The following PCDHGB3 variants were observed in gnomAD, a reference collection of about 807,000 sequenced individuals.
PCDHGB3 encodes the protein protocadherin gamma-B3.
PCDHGB3 carries 40 observed loss-of-function variants against 59.2 expected under a neutral mutation model. That is an observed-to-expected ratio of 0.68 (90% CI 0.52 to 0.88). The LOEUF is 0.88. Ranked by LOEUF, PCDHGB3 falls within the 40% of genes least tolerant of loss-of-function variation. The pLI is 0.00. For missense variants in PCDHGB3, 1,309 were observed against 1,187.9 expected, an observed-to-expected ratio of 1.10 and a Z score of -1.50; for synonymous variants, 581 against 503.6, an observed-to-expected ratio of 1.15 and a Z score of -2.06.
intron 1 of PCDHGB3, chr5:141,430,905 C>T: frequency 6.2e-7 from 1 of 1,606,922 alleles, no homozygotes; most frequent in Non-Finnish European, 8.5e-7. Context: ...GGCGACATCT[C>T]CAGGGACCTG....
chr5:141,383,351 G>C, intron 1 of PCDHGB3: 1 of 1,613,992 alleles, frequency 6.2e-7, no homozygotes, highest in Non-Finnish European at 8.5e-7. Flanking sequence ...CCTGGGGTTC[G>C]GTTTCCGTTA....
chr5:141,375,745 C>G (rs753247365), intron 1 of PCDHGB3: 4 of 1,614,238 alleles, frequency 2.5e-6, no homozygotes, highest in Non-Finnish European at 3.4e-6. Context: ...TTGTGCTGGA[C>G]CAGAATGACA....
At chr5:141,418,348 T>C in intron 1 of PCDHGB3, 4 of 1,613,982 alleles carry the variant, frequency 2.5e-6, no homozygotes, top group Non-Finnish European at 3.4e-6. Context: ...CTGATATTAG[T>C]ATGAATTCGC....
At chr5:141,388,590 A>G in intron 1 of PCDHGB3, 9 of 1,613,920 alleles carry the variant, frequency 5.6e-6, no homozygotes, top group Non-Finnish European at 7.6e-6. Flanking sequence ...GACTGATGCC[A>G]ATGATAATGC....
chr5:141,478,387 C>T, intron 1 of PCDHGB3: 1 of 1,613,642 alleles, frequency 6.2e-7, no homozygotes, highest in Non-Finnish European at 8.5e-7. Context: ...CGCACCTTTA[C>T]CATCAGGTGT....
chr5:141,371,950 C>A lies in PCDHGB3; in HGVS notation c.1556C>A (p.Ala519Asp), dbSNP rs749822569. 2 of 1,613,286 alleles carry A rather than the reference C, an allele frequency of 1.2e-6. No individual in the cohort carries two copies. The highest frequency in any genetic ancestry group is 2.2e-5 in the South Asian group (2 of 91,072). ...ARSGVVFAQR[A>D]FDHEQLRAFE... Reference sequence around the variant, plus strand: ...AGCGGGGTGGTGTTCGCGCAGCGAGCCTTCGACCACGAGCAGCTGCGTGCC... The same window carrying A: ...AGCGGGGTGGTGTTCGCGCAGCGAGACTTCGACCACGAGCAGCTGCGTGCC... The change falls in exon 1 of 4, where the codon GCC becomes GAC. Residue 519 changes from alanine (A) to aspartate (D), a missense_variant. Coordinates refer to ENST00000576222, the MANE Select transcript of PCDHGB3 (RefSeq NM_018924.5).
intron 1 of PCDHGB3, 63 bp from the exon 2 acceptor site, chr5:141,494,744 G>T: frequency 6.2e-7 from 1 of 1,612,702 alleles, no homozygotes; most frequent in South Asian, 1.1e-5. Flanking sequence ...CATCCCTAGG[G>T]GCTCGGGTGA....
At chr5:141,394,660 T>G in intron 1 of PCDHGB3, 1 of 1,613,264 alleles carries the variant, frequency 6.2e-7, no homozygotes, top group East Asian at 2.2e-5. Context: ...GAGCCGGGAC[T>G]CTTCTCGGTG....
In PCDHGB3 at chr5:141,476,343, T is replaced by A; in HGVS notation, c.2416-18464T>A. 1 of 1,614,012 alleles carries A rather than the reference T, an allele frequency of 6.2e-7. No individual in the cohort carries two copies. The highest frequency in any genetic ancestry group is 1.3e-5 in the African/African-American group (1 of 74,984). ...GTGGTGTCTGGAGCTAGCCGAAGAT[T>A]CTTTGAGGTGAACCGGGAGACCGGA... On this transcript the variant is annotated intron_variant, in intron 1 of 3. Transcript: ENST00000576222. This position sits in a 1 kb window ranked among gnomAD's most constrained non-coding sequence, Gnocchi z 7.6.
At chr5:141,409,067 A>G (rs2095219315) in intron 1 of PCDHGB3, 2 of 1,614,034 alleles carry the variant, frequency 1.2e-6, no homozygotes, top group South Asian at 2.2e-5. Context: ...CCAGAGCACA[A>G]AACATATGTT....
chr5:141,440,618 C>G (rs1287745652), intron 1 of PCDHGB3: 3 of 152,196 alleles, frequency 2.0e-5, no homozygotes, highest in South Asian at 2.1e-4. Context: ...GCAGAAGATC[C>G]TGATGTTGAG....
rs1049831420 is a variant in PCDHGB3 at position 141,486,549 on chromosome 5, C to T, written c.2416-8258C>T. ...AATCCACCCTCTTTCTTTCAGAGGTCACATGAGGTGTTTGTTCCTGAGAAC... is the reference window on the plus strand; with the variant it reads ...AATCCACCCTCTTTCTTTCAGAGGTTACATGAGGTGTTTGTTCCTGAGAAC... On this transcript the variant is annotated intron_variant, in intron 1 of 3. Coordinates refer to ENST00000576222, the MANE Select transcript of PCDHGB3 (RefSeq NM_018924.5). This position sits in a 1 kb window ranked among gnomAD's most constrained non-coding sequence, Gnocchi z 5.0. The T allele has an allele frequency of 3.1e-6, 5 of 1,613,982 alleles. No individual in the cohort carries two copies. In the African/African-American group the frequency reaches 4.0e-5, roughly 13 times the overall value.
chr5:141,370,282 G>A lies in PCDHGB3; in HGVS notation c.-113G>A. On this transcript the variant is annotated 5_prime_UTR_variant, in exon 1 of 4. Coordinates refer to ENST00000576222, the MANE Select transcript of PCDHGB3 (RefSeq NM_018924.5). Reference sequence around the variant, plus strand: ...CTTCCTGCAGCGGAGACACCCATTAGAGAACCCAAGCACAAAGACAAAGCA... The same window carrying A: ...CTTCCTGCAGCGGAGACACCCATTAAAGAACCCAAGCACAAAGACAAAGCA... 2 of 938,864 alleles carry A rather than the reference G, an allele frequency of 2.1e-6. No homozygotes were observed. The highest frequency in any genetic ancestry group is 3.9e-5 in the South Asian group (2 of 51,710). 58.2% of individuals were successfully genotyped at this position (938,864 alleles called of 1,614,324 possible).
At chr5:141,422,009 G>C (rs1483710075) in intron 1 of PCDHGB3, 1 of 1,609,752 alleles carries the variant, frequency 6.2e-7, no homozygotes, top group Non-Finnish European at 8.5e-7. Flanking sequence ...TCCGGAACTC[G>C]GGTGCTGATG....
intron 2 of PCDHGB3, among the ~76,000 whole-genome samples, chr5:141,502,866 C>CTCTTTTTTT (rs1554188502): frequency 7.8e-6 from 1 of 128,046 alleles, no homozygotes; most frequent in African/African-American, 3.1e-5. Context: ...GACTCTCTGT[C>CTCTTTTTTT]TTTTTTTTTT....
At chr5:141,402,392 C>A (rs1271100750) in intron 1 of PCDHGB3, among the ~76,000 whole-genome samples, 1 of 151,714 alleles carries the variant, frequency 6.6e-6, no homozygotes, top group African/African-American at 2.4e-5. Flanking sequence ...AAAATTACTT[C>A]AGAAAATTGT....
rs2099183566 is a variant in PCDHGB3, at chr5:141,468,861, A to G, written c.2416-25946A>G. 3.9e-5 allele frequency among the ~76,000 whole-genome samples: 6 copies of G among 152,168 alleles called. No homozygotes were observed. In the South Asian group the frequency reaches 1.2e-3, roughly 32 times the overall value. On this transcript the variant is annotated intron_variant, in intron 1 of 3. Coordinates refer to ENST00000576222, the MANE Select transcript of PCDHGB3 (RefSeq NM_018924.5). ...AGCCTGGGCAACAGAGCGAGACTCCATCTCAAAAATAATAATAATAATAAT... is the reference window on the plus strand; with the variant it reads ...AGCCTGGGCAACAGAGCGAGACTCCGTCTCAAAAATAATAATAATAATAAT...
rs758181180 is a variant in PCDHGB3 at position 141,485,483 on chromosome 5, G to T, written c.2416-9324G>T. The T allele has an allele frequency of 1.9e-6, 3 of 1,614,106 alleles. No homozygotes were observed. The highest frequency in any genetic ancestry group is 2.5e-6 in the Non-Finnish European group (3 of 1,180,022). ...GTGTGGGCTCAGTGCCAGCTGCATC[G>T]TGCCCCTGGAGTTTGTCACCGAAGG... On this transcript the variant is annotated intron_variant, in intron 1 of 3. Coordinates refer to ENST00000576222, the MANE Select transcript of PCDHGB3 (RefSeq NM_018924.5). The surrounding 1 kb of genome is among the most constrained non-coding windows in gnomAD (Gnocchi z 5.7).
At chr5:141,447,649 T>C (rs909020761) in intron 1 of PCDHGB3, among the ~76,000 whole-genome samples, 1 of 152,206 alleles carries the variant, frequency 6.6e-6, no homozygotes, top group Non-Finnish European at 1.5e-5. Context: ...TGGTAGAATT[T>C]TCCCCCCCAG....
Sources: allele counts gnomAD v4.1 joint callset (sites outside exome capture counted in the v4.1 genomes callset), GRCh38; gene constraint gnomAD v4.1.1; non-coding constraint Gnocchi (gnomAD v3.1); transcripts MANE v1.5; gene names NCBI Gene and HGNC (gene_info 2026-07-23, HGNC 2026-07-21).